RIMS2: variants seen among roughly 807,000 people sequenced by gnomAD.
The protein encoded by RIMS2 is regulating synaptic membrane exocytosis 2.
In RIMS2, 59 loss-of-function variants were observed where a neutral mutation model predicts 174.4. The ratio of observed to expected loss-of-function variants is 0.34; its 90% CI spans 0.27 to 0.42. RIMS2 has a LOEUF of 0.42. RIMS2 is among the 10% of genes least tolerant of loss of function. The pLI is 1.00. For synonymous variants in RIMS2, 606 were observed against 572.5 expected (o/e 1.06, Z -0.84); for missense variants, 1,620 against 1,666.3 (o/e 0.97, Z 0.48).
intron 1 of RIMS2, among the ~76,000 whole-genome samples, chr8:103,571,189 T>A (rs935361087): frequency 2.0e-5 from 3 of 152,246 alleles, no homozygotes; most frequent in Non-Finnish European, 4.4e-5. Context: ...GTACATACTA[T>A]GTATTCATTA....
intron 19 of RIMS2, among the ~76,000 whole-genome samples, chr8:104,074,125 G>A (rs2097247895): frequency 6.6e-6 from 1 of 152,186 alleles, no homozygotes; most frequent in South Asian, 2.1e-4. Flanking sequence ...CAGGCAATGA[G>A]GGGAGAAAAG....
At chr8:104,120,317 ATAT>A (rs1448155043) in intron 19 of RIMS2, among the ~76,000 whole-genome samples, 1 of 152,208 alleles carries the variant, frequency 6.6e-6, no homozygotes, top group Non-Finnish European at 1.5e-5. Flanking sequence ...TCCAAAAATG[ATAT>A]TATTATTGAA....
At chr8:103,525,209 C>T (rs954643590) in intron 1 of RIMS2, among the ~76,000 whole-genome samples, 12 of 152,130 alleles carry the variant, frequency 7.9e-5, no homozygotes. Flanking sequence ...GATTAAGTTA[C>T]AGGGGCTGGT....
chr8:103,573,080 G>T (rs2092952753), intron 1 of RIMS2, among the ~76,000 whole-genome samples: 1 of 151,528 alleles, frequency 6.6e-6, no homozygotes, highest in Non-Finnish European at 1.5e-5. Flanking sequence ...TTTTTTTCTA[G>T]ATAGAGTCTC....
At chr8:103,829,935 A>G (rs72681322) in intron 3 of RIMS2, among the ~76,000 whole-genome samples, 19,966 of 152,238 alleles carry the variant, frequency 0.13, 1,771 homozygotes, top group Non-Finnish European at 0.2. Context: ...TTTAAGATAA[A>G]TAGGATTGAT....
At chr8:104,165,768 A>G (rs2098793001) in intron 19 of RIMS2, among the ~76,000 whole-genome samples, 1 of 152,132 alleles carries the variant, frequency 6.6e-6, no homozygotes, top group Non-Finnish European at 1.5e-5. Context: ...TTAAAATTTT[A>G]AATAGAATAT....
At chr8:104,112,272 GTC>G (rs1298033533) in intron 19 of RIMS2, among the ~76,000 whole-genome samples, 1 of 152,022 alleles carries the variant, frequency 6.6e-6, no homozygotes, top group Non-Finnish European at 1.5e-5. Flanking sequence ...TACTTTCAGA[GTC>G]TTCACCATTT....
intron 1 of RIMS2, among the ~76,000 whole-genome samples, chr8:103,609,456 C>T (rs564728536): frequency 7.0e-6 from 1 of 143,062 alleles, no homozygotes; most frequent in Non-Finnish European, 1.5e-5. Flanking sequence ...ATGGTCTTTC[C>T]TAGACTATCT....
intron 3 of RIMS2, among the ~76,000 whole-genome samples, chr8:103,874,094 A>T (rs190320453): frequency 2.3e-4 from 35 of 152,148 alleles, no homozygotes. Context: ...TCTATTTTTA[A>T]TTATCACTAT....
intron 12 of RIMS2, among the ~76,000 whole-genome samples, chr8:103,935,828 T>G (rs1195542993): frequency 6.6e-6 from 1 of 152,186 alleles, no homozygotes; most frequent in African/African-American, 2.4e-5. Context: ...TGTTTTAGTA[T>G]ATTTCCCAAT....
At position 103,954,604 on chromosome 8, in the gene RIMS2, T is replaced by A. The variant is rs185754332; in HGVS notation, c.2702-6461T>A. On this transcript the variant is annotated intron_variant, in intron 14 of 23. Coordinates refer to ENST00000504942, the Ensembl canonical transcript of RIMS2. Reference sequence around the variant, plus strand: ...AATTTCTGAGACACATTTAAAGCAGTGTGTAGAGGGAAATTTATAGCACTA... The same window carrying A: ...AATTTCTGAGACACATTTAAAGCAGAGTGTAGAGGGAAATTTATAGCACTA... 9.8e-3 allele frequency among the ~76,000 whole-genome samples: 1,498 copies of A among 152,224 alleles called. 19 individuals carry two copies. The highest frequency in any genetic ancestry group is 0.046 in the South Asian group (223 of 4,820).
At chr8:103,857,811 G>A (rs985995235) in intron 3 of RIMS2, among the ~76,000 whole-genome samples, 3 of 152,122 alleles carry the variant, frequency 2.0e-5, no homozygotes, top group Admixed American at 6.6e-5. Context: ...ATTCCTCTAC[G>A]CTACATTCTC....
chr8:104,210,357 G>C (rs1300582683), intron 19 of RIMS2, among the ~76,000 whole-genome samples: 1 of 152,092 alleles, frequency 6.6e-6, no homozygotes, highest in Non-Finnish European at 1.5e-5. Flanking sequence ...ACTGAAAATT[G>C]TTCAAGAAGA....
intron 4 of RIMS2, among the ~76,000 whole-genome samples, chr8:103,898,830 C>A (rs1256544092): frequency 6.6e-6 from 1 of 151,316 alleles, no homozygotes. Context: ...CCCATGAACT[C>A]GTCATTTACA....
At chr8:103,970,289 T>C (rs1459935365) in intron 15 of RIMS2, among the ~76,000 whole-genome samples, 1 of 152,164 alleles carries the variant, frequency 6.6e-6, no homozygotes, top group Non-Finnish European at 1.5e-5. Context: ...GGGCTGGAAA[T>C]GTTTTCTTTC....
At chr8:103,588,837 A>T (rs2094109659) in intron 1 of RIMS2, among the ~76,000 whole-genome samples, 1 of 151,918 alleles carries the variant, frequency 6.6e-6, no homozygotes, top group Non-Finnish European at 1.5e-5. Context: ...GATATTTAGG[A>T]TATTGGTCTG....
At chr8:104,064,674 TTAA>T (rs1223539165) in intron 19 of RIMS2, among the ~76,000 whole-genome samples, 5 of 149,340 alleles carry the variant, frequency 3.3e-5, no homozygotes, top group Non-Finnish European at 7.4e-5. Flanking sequence ...CTCTATTTAG[TTAA>T]TAATTTACTT....
intron 14 of RIMS2, among the ~76,000 whole-genome samples, chr8:103,960,272 C>G (rs939972392): frequency 2.0e-5 from 3 of 152,138 alleles, no homozygotes; most frequent in Non-Finnish European, 1.5e-5. Context: ...CTGGTTGATT[C>G]AATTTGATGC....
chr8:103,679,686 G>A (rs940486819), intron 1 of RIMS2, among the ~76,000 whole-genome samples: 2 of 151,624 alleles, frequency 1.3e-5, no homozygotes, highest in Admixed American at 6.6e-5. Context: ...TAGTGATGAG[G>A]GAGACTTTGA....
Sources: gnomAD v4.1 joint callset for allele counts (sites outside exome capture counted in the v4.1 genomes callset) on GRCh38, gnomAD v4.1.1 for gene constraint, MANE v1.5 for transcripts, NCBI Gene and HGNC (gene_info 2026-07-23, HGNC 2026-07-21) for gene names.